The following VPS13B variants were observed in gnomAD, a reference collection of about 807,000 sequenced individuals.
The protein encoded by VPS13B is vacuolar protein sorting 13 homolog B.
VPS13B carries 285 observed loss-of-function variants against 426.4 expected under a neutral mutation model. That is an observed-to-expected ratio of 0.67 (90% CI 0.61 to 0.74). VPS13B has a LOEUF of 0.74. Among genes scored for constraint, VPS13B ranks in the 30% least tolerant of loss-of-function variants. VPS13B has a pLI of 0.00. For synonymous variants in VPS13B, 1,676 were observed against 1,676.4 expected, an observed-to-expected ratio of 1.00 and a Z score of 0.01; for missense variants, 4,537 against 4,782.6, an observed-to-expected ratio of 0.95 and a Z score of 1.51.
chr8:99,118,895 C>A (rs1027144788), intron 7 of VPS13B, among the ~76,000 whole-genome samples: 1 of 152,148 alleles, frequency 6.6e-6, no homozygotes, highest in Non-Finnish European at 1.5e-5. Context: ...GCTATTCTTT[C>A]TCTTGGGTAA....
chr8:99,457,258 C>T (rs1352646502), intron 23 of VPS13B, among the ~76,000 whole-genome samples: 2 of 152,074 alleles, frequency 1.3e-5, no homozygotes, highest in South Asian at 2.1e-4. Flanking sequence ...TCTTGAACTC[C>T]TGACTACAGA....
At chr8:99,791,385 C>T (rs898657358) in intron 43 of VPS13B, among the ~76,000 whole-genome samples, 15 of 152,222 alleles carry the variant, frequency 9.9e-5, no homozygotes, top group South Asian at 8.3e-4. Flanking sequence ...TCCAGCACAC[C>T]ACTGTCTGGC....
chr8:99,330,873 TC>T (rs1381056363), intron 19 of VPS13B, among the ~76,000 whole-genome samples: 1 of 151,776 alleles, frequency 6.6e-6, no homozygotes. Flanking sequence ...TTTCTTTTGT[TC>T]CCCCTTGTCT....
intron 55 of VPS13B, among the ~76,000 whole-genome samples, chr8:99,849,292 T>C (rs568771659): frequency 6.8e-4 from 104 of 152,318 alleles, no homozygotes; most frequent in Non-Finnish European, 1.4e-3. Context: ...CACCCCCCAC[T>C]TTGACCTGAA....
chr8:99,250,727 C>T (rs1434667121), intron 17 of VPS13B, among the ~76,000 whole-genome samples: 2 of 110,212 alleles, frequency 1.8e-5, no homozygotes, highest in African/African-American at 3.6e-5. Flanking sequence ...CTCTGTCACA[C>T]AGGCTGGAGT....
chr8:99,243,023 A>G (rs1365566432), intron 17 of VPS13B, among the ~76,000 whole-genome samples: 4 of 152,198 alleles, frequency 2.6e-5, no homozygotes, highest in Non-Finnish European at 4.4e-5. Flanking sequence ...CCTTAGCCTT[A>G]AAGTCTAAAT....
intron 2 of VPS13B, among the ~76,000 whole-genome samples, chr8:99,028,728 C>T (rs1423343298): frequency 1.4e-5 from 2 of 143,972 alleles, no homozygotes; most frequent in Non-Finnish European, 3.0e-5. Flanking sequence ...GCTGACCCCC[C>T]CACCTCCCTC....
intron 59 of VPS13B, among the ~76,000 whole-genome samples, chr8:99,870,234 T>G (rs935076838): frequency 6.6e-6 from 1 of 152,142 alleles, no homozygotes; most frequent in Non-Finnish European, 1.5e-5. Context: ...AGTGACACAA[T>G]CATAGCTCAC....
intron 17 of VPS13B, among the ~76,000 whole-genome samples, chr8:99,216,234 T>C (rs1423169682): frequency 6.6e-6 from 1 of 152,180 alleles, no homozygotes; most frequent in African/African-American, 2.4e-5. Flanking sequence ...TTCTGGACTT[T>C]AAATACAACA....
intron 55 of VPS13B, among the ~76,000 whole-genome samples, chr8:99,850,398 CATGT>C (rs749813238): frequency 6.7e-6 from 1 of 149,336 alleles, no homozygotes; most frequent in Non-Finnish European, 1.5e-5. Context: ...CATAAGTACG[CATGT>C]ATGTACTTAT....
intron 17 of VPS13B, among the ~76,000 whole-genome samples, chr8:99,235,301 CTT>C (rs1367252743): frequency 5.3e-5 from 8 of 152,210 alleles, no homozygotes; most frequent in African/African-American, 1.7e-4. Context: ...AAAATCAACT[CTT>C]AACATGCTTA....
intron 20 of VPS13B, among the ~76,000 whole-genome samples, chr8:99,387,818 T>A (rs1034039525): frequency 6.6e-6 from 1 of 152,166 alleles, no homozygotes; most frequent in Non-Finnish European, 1.5e-5. Flanking sequence ...TTGTTGTGAG[T>A]GAAAATTTGA....
intron 2 of VPS13B, among the ~76,000 whole-genome samples, chr8:99,015,907 AG>A (rs1841588761): frequency 6.6e-6 from 1 of 152,164 alleles, no homozygotes; most frequent in Non-Finnish European, 1.5e-5. Context: ...CATCTGGGGC[AG>A]GGGAACGTAC....
intron 31 of VPS13B, among the ~76,000 whole-genome samples, chr8:99,564,840 TTACTAGTCAAC>T (rs1399924281): frequency 6.6e-6 from 1 of 152,200 alleles, no homozygotes; most frequent in Non-Finnish European, 1.5e-5. Flanking sequence ...TTCCTTCCTC[TTACTAGTCAAC>T]TACTTTTCTT....
At chr8:99,472,780 A>G (rs1474798770) in intron 24 of VPS13B, among the ~76,000 whole-genome samples, 2 of 151,990 alleles carry the variant, frequency 1.3e-5, no homozygotes, top group African/African-American at 4.8e-5. Flanking sequence ...ACAGTTCCTT[A>G]GCTAGACTGA....
chr8:99,306,446 A>C (rs1820640704), intron 19 of VPS13B, among the ~76,000 whole-genome samples: 1 of 152,034 alleles, frequency 6.6e-6, no homozygotes, highest in Admixed American at 6.6e-5. Flanking sequence ...TCCCATTAGA[A>C]GTTGATAGAA....
At chr8:99,629,802 A>G (rs1327680373) in intron 33 of VPS13B, among the ~76,000 whole-genome samples, 1 of 152,158 alleles carries the variant, frequency 6.6e-6, no homozygotes, top group Admixed American at 6.6e-5. Context: ...CCTGAGGCCT[A>G]CTAGTTTACA....
intron 15 of VPS13B, among the ~76,000 whole-genome samples, chr8:99,162,865 A>G (rs1427118615): frequency 2.0e-5 from 3 of 152,024 alleles, no homozygotes; most frequent in African/African-American, 4.8e-5. Flanking sequence ...TTATTCTTTT[A>G]TCTGGCCCCA....
chr8:99,100,411 C>T (rs1475058627), intron 4 of VPS13B, among the ~76,000 whole-genome samples: 1 of 152,138 alleles, frequency 6.6e-6, no homozygotes, highest in Non-Finnish European at 1.5e-5. Context: ...TTGCCTTAGC[C>T]TCCTGAGTAG....
Sources: allele counts gnomAD v4.1 joint callset (sites outside exome capture counted in the v4.1 genomes callset), GRCh38; gene constraint gnomAD v4.1.1; transcripts MANE v1.5; gene names NCBI Gene and HGNC (gene_info 2026-07-23, HGNC 2026-07-21).